Variants in TTN observed in about 807,000 individuals in gnomAD.
The protein encoded by TTN is titin.
Under a neutral mutation model 3,223.0 loss-of-function variants are expected in TTN, and 1,525 were observed. The observed-to-expected ratio is 0.47, with a 90% confidence interval of 0.45 to 0.49. TTN has a LOEUF of 0.49. TTN is among the 20% of genes least tolerant of loss of function. The probability of loss-of-function intolerance (pLI) is 0.00; values close to 1 mark genes in which losing one functional copy is unlikely to be tolerated. For synonymous variants in TTN, 14,094 were observed against 15,161.0 expected (o/e 0.93, Z 5.17); for missense variants, 40,786 against 43,424.0 (o/e 0.94, Z 5.40).
At position 178,635,686 on chromosome 2, in the gene TTN, T is replaced by G. The variant is rs1228888611; in HGVS notation, c.41638A>C (p.Ile13880Leu). 1 of 1,602,226 alleles carries G rather than the reference T, an allele frequency of 6.2e-7. No individual in the cohort carries two copies. The highest frequency in any genetic ancestry group is 1.7e-5 in the Admixed American group (1 of 58,518). ...EVIRDWLVKP[I>L]RDQHVKPKGT... ...TTGGGTTTCACATGCTGGTCTCGTA[T>G]AGGTTTCACCAGCCAATCTCTAATG... is the stretch of plus-strand genomic sequence containing the variant. Residue 13880 changes from isoleucine to leucine, a missense_variant, in exon 227 of 363, where the codon ATA (isoleucine) becomes CTA (leucine). Transcript: ENST00000589042.
chr2:178,753,659 T>C (rs2086185486), intron 46 of TTN: 1 of 157,878 alleles, frequency 6.3e-6, no homozygotes. Flanking sequence ...GAAGTCCAAA[T>C]TACATATTAA....
chr2:178,803,094 G>T (rs989543824), intron 2 of TTN, among the ~76,000 whole-genome samples: 1 of 152,098 alleles, frequency 6.6e-6, no homozygotes, highest in African/African-American at 2.4e-5. Context: ...CACATTCAGG[G>T]CATGATTTAT....
chr2:178,785,480 C>T, intron 15 of TTN, 140 bp downstream of exon 15: 2 of 1,255,200 alleles, frequency 1.6e-6, no homozygotes, highest in Non-Finnish European at 2.2e-6. Context: ...GGTGTCTGGG[C>T]CCACTGTGAA....
In TTN at chr2:178,597,526, G is replaced by T; in HGVS notation, c.57544+12C>A. 6.2e-7 allele frequency: 1 copy of T among 1,604,542 alleles called. No homozygotes were observed. Among genetic ancestry groups the T allele is most frequent in the South Asian group, 1.1e-5 (1 of 89,178 alleles). On this transcript the variant is annotated intron_variant, in intron 294 of 362. Coordinates refer to ENST00000589042, the MANE Select transcript of TTN (RefSeq NM_001267550.2). ...GTTTAAAAAGTTGCACAGACAAATTGAAAGTATTTACCTAATACATCAACA... is the reference window on the plus strand; with the variant it reads ...GTTTAAAAAGTTGCACAGACAAATTTAAAGTATTTACCTAATACATCAACA...
At chr2:178,668,483 C>T (rs562245758) in intron 159 of TTN, among the ~76,000 whole-genome samples, 1 of 152,082 alleles carries the variant, frequency 6.6e-6, no homozygotes, top group East Asian at 1.9e-4. Flanking sequence ...GTAATCCCAG[C>T]ACTTTGGGAG....
In TTN at chr2:178,612,576, T is replaced by C. The variant is rs794727352; in HGVS notation, c.49949A>G (p.Tyr16650Cys). Reference sequence around the variant, plus strand: ...AAGCCAGCGTGGTGGTGATGGAGGATCTGAAAAAGAAGGAAGGAAAACAAA... The same window carrying C: ...AAGCCAGCGTGGTGGTGATGGAGGACCTGAAAAAGAAGGAAGGAAAACAAA... ...SDPVLCREKL[Y>C]PPSPPRWLEV... is the part of the protein sequence containing the mutation. Residue 16650 changes from tyrosine to cysteine, a missense_variant and splice_region_variant, in exon 266 of 363, where the codon TAT (tyrosine) becomes TGT (cysteine). Physicochemically the swap from Tyr to Cys is radical, Grantham distance 194. Transcript: ENST00000589042. 1 of 1,600,602 alleles carries C rather than the reference T, an allele frequency of 6.2e-7. No individual in the cohort carries two copies. Among genetic ancestry groups the C allele is most frequent in the Non-Finnish European group, 8.5e-7 (1 of 1,176,622 alleles).
intron 121 of TTN, among the ~76,000 whole-genome samples, chr2:178,690,290 A>T (rs1207950112): frequency 6.6e-6 from 1 of 152,214 alleles, no homozygotes; most frequent in Non-Finnish European, 1.5e-5. Flanking sequence ...TTTATCTAAG[A>T]CTATTTTAGA....
intron 161 of TTN, 60 bp from the exon 162 acceptor site, chr2:178,667,379 C>A: frequency 1.9e-6 from 3 of 1,570,826 alleles, no homozygotes; most frequent in Non-Finnish European, 2.6e-6. Context: ...TTATAAAAAG[C>A]ATGCAATGTT....
At chr2:178,691,938 T>G in intron 121 of TTN, 78 bp downstream of exon 121, 1 of 1,178,604 alleles carries the variant, frequency 8.5e-7, no homozygotes, top group Non-Finnish European at 1.2e-6. Flanking sequence ...AAAGGCAGCA[T>G]AGTACATATG....
In TTN at chr2:178,795,260, C is replaced by A. The variant is rs1195041579; in HGVS notation, c.915-8G>T. 2 of 1,613,730 alleles carry A rather than the reference C, an allele frequency of 1.2e-6. No individual in the cohort carries two copies. The highest frequency in any genetic ancestry group is 1.7e-5 in the Admixed American group (1 of 59,988). ...GCTGCTGGAGACACGGACCTGAAAA[C>A]CAAAAGGCAGAGGTCAAGAATGTCA... On this transcript the variant is annotated splice_polypyrimidine_tract_variant and splice_region_variant and intron_variant, in intron 6 of 362. Transcript: ENST00000589042.
At position 178,684,087 on chromosome 2, in the gene TTN, A is replaced by G. The variant is rs771030110; in HGVS notation, c.32723-5T>C. ...CTCTCTTCGGTTCCTCTGGCACTTT[A>G]AAGAGAGATTTCACTTTAAAGTATT... On this transcript the variant is annotated splice_polypyrimidine_tract_variant and splice_region_variant and intron_variant, in intron 132 of 362. Transcript: ENST00000589042. The G allele has an allele frequency of 1.9e-6, 3 of 1,612,038 alleles. No individual in the cohort carries two copies. The highest frequency in any genetic ancestry group is 1.6e-4 in the Middle Eastern group (1 of 6,062).
chr2:178,761,585 A>C (rs1225754457), intron 43 of TTN, among the ~76,000 whole-genome samples: 1 of 152,186 alleles, frequency 6.6e-6, no homozygotes, highest in Non-Finnish European at 1.5e-5. Flanking sequence ...TTCAATGCTC[A>C]GTTCACACAT....
In TTN at chr2:178,546,992, G is replaced by A. The variant is rs376463592; in HGVS notation, c.94522+11C>T. 6 of 1,602,126 alleles carry A rather than the reference G, an allele frequency of 3.7e-6. No individual in the cohort carries two copies. Among genetic ancestry groups the A allele is most frequent in the Non-Finnish European group, 5.1e-6 (6 of 1,172,660 alleles). The stretch of plus-strand genomic sequence containing the variant: ...TAATAAACAAATATGCCCTTAAATT[G>A]TGATACATACCAACTGGATTTTGAG... On this transcript the variant is annotated intron_variant, in intron 340 of 362. Transcript: ENST00000589042.
At chr2:178,649,924 A>C in intron 210 of TTN, 30 bp from the exon 211 acceptor site, 9 of 1,592,374 alleles carry the variant, frequency 5.7e-6, no homozygotes, top group Non-Finnish European at 7.7e-6. Context: ...TTTTAGAATT[A>C]GGTGATTACA....
At position 178,552,519 on chromosome 2, in the gene TTN, A is replaced by G; in HGVS notation, c.90381T>C (p.Ile30127=). Reference sequence around the variant, plus strand: ...TATCTGACAGGTCAACTTCAGGTGTAATAATAAGTTCTTTCACTGTAATTG... The same window carrying G: ...TATCTGACAGGTCAACTTCAGGTGTGATAATAAGTTCTTTCACTGTAATTG... ...IGPITVKELI[I]TPEVDLSDIP... The change falls in exon 335 of 363, where the codon ATT becomes ATC. Residue 30127 remains isoleucine, a synonymous_variant. Transcript: ENST00000589042. 6.2e-7 allele frequency: 1 copy of G among 1,613,656 alleles called. No individual in the cohort carries two copies. The highest frequency in any genetic ancestry group is 8.5e-7 in the Non-Finnish European group (1 of 1,179,698).
In TTN at chr2:178,562,348, T is replaced by G. The variant is rs1223380785; in HGVS notation, c.83784A>C (p.Ala27928=). 1 of 1,611,316 alleles carries G rather than the reference T, an allele frequency of 6.2e-7. No homozygotes were observed. The highest frequency in any genetic ancestry group is 1.7e-5 in the Admixed American group (1 of 59,718). ...CTACCCTGAAGACATACTCTTCTCC[T>G]GCAGTTAAGCCAGATATAGTTGCTT... is the stretch of plus-strand genomic sequence containing the variant. ...TLEATISGLT[A]GEEYVFRVAA... The change falls in exon 326 of 363, where the codon GCA becomes GCC. Residue 27928 remains alanine (A), a synonymous_variant. Transcript: ENST00000589042.
chr2:178,603,885 C>G lies in TTN; in HGVS notation c.54802G>C (p.Asp18268His), dbSNP rs776957882. The G allele has an allele frequency of 6.3e-7, 1 of 1,582,386 alleles. No individual in the cohort carries two copies. Among genetic ancestry groups the G allele is most frequent in the South Asian group, 1.2e-5 (1 of 86,870 alleles). ...SEPSDPEVAGDPIFPPGPPSC... is the reference protein window; with the variant it reads ...SEPSDPEVAGHPIFPPGPPSC... The stretch of plus-strand genomic sequence containing the variant: ...ACGGAAGCATACTTACATATGGGAT[C>G]TCCTGCAACCTCTGGATCTGATGGT... The change falls in exon 282 of 363, where the codon GAT (aspartate) becomes CAT (histidine). Residue 18268 changes from aspartate to histidine, a missense_variant. Asp to His is a moderately conservative substitution (Grantham distance 81). Coordinates refer to ENST00000589042, the MANE Select transcript of TTN (RefSeq NM_001267550.2).
rs398124442 is a variant in TTN, at chr2:178,719,251, A to G, written c.24139T>C (p.Leu8047=). The change falls in exon 83 of 363, where the codon TTG becomes CTG. Residue 8047 remains leucine (L), a synonymous_variant. Transcript: ENST00000589042. ...ENVCTLNLSL[L]EPSDTGIYTC... is the part of the protein sequence containing the mutation. ...TATATGCCTGTGTCGGAGGGCTCCA[A>G]CAAGCTCAGATTCAAAGTACAGACG... The G allele has an allele frequency of 6.8e-6, 11 of 1,613,662 alleles. No homozygotes were observed. The highest frequency in any genetic ancestry group is 3.3e-5 in the Admixed American group (2 of 59,988).
chr2:178,624,671 G>T lies in TTN; in HGVS notation c.44609C>A (p.Ala14870Glu). ...TCTGGAGACTTCACACTCCAGCACT[G>T]CAGTGGCTCCCTCTTCGACCGTCTG... Reference protein sequence around the residue: ...EDQTVEEGATAVLECEVSREN... With the variant: ...EDQTVEEGATEVLECEVSREN... The change falls in exon 242 of 363, where the codon GCA becomes GAA. Residue 14870 changes from alanine (A) to glutamate (E), a missense_variant. By Grantham distance (107) the Ala-to-Glu change is moderately radical (BLOSUM62 -1). Coordinates refer to ENST00000589042, the MANE Select transcript of TTN (RefSeq NM_001267550.2). 2 of 1,612,484 alleles carry T rather than the reference G, an allele frequency of 1.2e-6. No individual in the cohort carries two copies. The highest frequency in any genetic ancestry group is 1.7e-6 in the Non-Finnish European group (2 of 1,179,068).
Sources: gnomAD v4.1 joint callset for allele counts (sites outside exome capture counted in the v4.1 genomes callset) on GRCh38, gnomAD v4.1.1 for gene constraint, MANE v1.5 for transcripts, NCBI Gene and HGNC (gene_info 2026-07-23, HGNC 2026-07-21) for gene names.